ANO6: variants seen among roughly 807,000 people sequenced by gnomAD.
ANO6 encodes the protein anoctamin-6.
ANO6 carries 106 observed loss-of-function variants against 117.5 expected under a neutral mutation model. The observed-to-expected ratio is 0.90, with a 90% CI of 0.77 to 1.06. The LOEUF (loss-of-function observed/expected upper bound fraction) is 1.06. ANO6 is among the 50% of genes least tolerant of loss of function. The probability of loss-of-function intolerance (pLI) is 0.00; values close to 1 mark genes in which losing one functional copy is unlikely to be tolerated. For missense variants in ANO6, 955 were observed against 1,121.1 expected, an observed-to-expected ratio of 0.85 and a Z score of 2.12; for synonymous variants, 367 against 385.1, an observed-to-expected ratio of 0.95 and a Z score of 0.55.
intron 1 of ANO6, among the ~76,000 whole-genome samples, chr12:45,271,144 A>G (rs970127002): frequency 2.0e-5 from 3 of 152,226 alleles, no homozygotes; most frequent in Admixed American, 2.0e-4. Flanking sequence ...TGGCAAGGAT[A>G]TTTTGATGAC....
At chr12:45,439,863 T>C (rs1263980177) in exon 20 of ANO6, 1 of 1,533,336 alleles carries the variant, frequency 6.5e-7, no homozygotes, top group African/African-American at 1.4e-5. Flanking sequence ...CTATTTTCTT[T>C]TCTGTTACTT....
intron 2 of ANO6, among the ~76,000 whole-genome samples, chr12:45,320,452 G>C (rs1313822375): frequency 8.5e-5 from 13 of 152,096 alleles, no homozygotes; most frequent in Admixed American, 7.9e-4. Flanking sequence ...TTAATCCTGA[G>C]TTCTAATTTG....
At chr12:45,227,814 C>T (rs1356558925) in intron 1 of ANO6, among the ~76,000 whole-genome samples, 1 of 152,158 alleles carries the variant, frequency 6.6e-6, no homozygotes, top group Non-Finnish European at 1.5e-5. Flanking sequence ...AGGGTAATGA[C>T]AGTGGCTGTG....
intron 9 of ANO6, among the ~76,000 whole-genome samples, chr12:45,377,404 T>A (rs1942057545): frequency 6.6e-6 from 1 of 152,204 alleles, no homozygotes; most frequent in Admixed American, 6.5e-5. Context: ...TTTGGCCAGA[T>A]ACGTTATTTA....
At chr12:45,288,164 T>TACA (rs1376588837) in intron 1 of ANO6, among the ~76,000 whole-genome samples, 2 of 152,312 alleles carry the variant, frequency 1.3e-5, no homozygotes, top group South Asian at 2.1e-4. Context: ...TACTGCCTGG[T>TACA]ACAGCCTAGC....
intron 1 of ANO6, among the ~76,000 whole-genome samples, chr12:45,239,490 A>G (rs1592855429): frequency 7.1e-6 from 1 of 140,134 alleles, no homozygotes; most frequent in African/African-American, 2.6e-5. Context: ...TCAGAAAACC[A>G]GCTCCTGGAT....
At chr12:45,437,427 G>A (rs1273648289) in intron 19 of ANO6, among the ~76,000 whole-genome samples, 1 of 151,920 alleles carries the variant, frequency 6.6e-6, no homozygotes, top group Non-Finnish European at 1.5e-5. Context: ...AACATTTTAT[G>A]TTTTACATGC....
intron 10 of ANO6, among the ~76,000 whole-genome samples, chr12:45,379,025 A>C (rs1450248671): frequency 1.3e-5 from 2 of 152,200 alleles, no homozygotes; most frequent in Non-Finnish European, 2.9e-5. Flanking sequence ...GCAAACTTTA[A>C]ATGTTTAATT....
At chr12:45,360,157 T>C (rs1439742246) in intron 8 of ANO6, among the ~76,000 whole-genome samples, 1 of 152,218 alleles carries the variant, frequency 6.6e-6, no homozygotes, top group African/African-American at 2.4e-5. Context: ...GGGATAGAAG[T>C]CTCTTATTGG....
At chr12:45,367,113 C>T (rs1365134291) in intron 8 of ANO6, among the ~76,000 whole-genome samples, 1 of 152,148 alleles carries the variant, frequency 6.6e-6, no homozygotes, top group Non-Finnish European at 1.5e-5. Context: ...TCTCGAGTAG[C>T]TGGGATTACA....
chr12:45,264,320 T>G (rs1938145266), intron 1 of ANO6, among the ~76,000 whole-genome samples: 1 of 152,258 alleles, frequency 6.6e-6, no homozygotes, highest in Non-Finnish European at 1.5e-5. Flanking sequence ...ATTATGCTGA[T>G]AAGTTTGCAT....
chr12:45,258,385 C>T (rs767689210), intron 1 of ANO6, among the ~76,000 whole-genome samples: 51 of 152,050 alleles, frequency 3.4e-4, no homozygotes, highest in Admixed American at 1.4e-3. Flanking sequence ...GTGAGTTTGT[C>T]GTCTTCTTGC....
At chr12:45,317,484 G>A (rs1225006070) in intron 2 of ANO6, among the ~76,000 whole-genome samples, 1 of 151,672 alleles carries the variant, frequency 6.6e-6, no homozygotes, top group Non-Finnish European at 1.5e-5. Context: ...GTATTCCATG[G>A]TGTATATGTG....
rs772308577 is a variant in ANO6 at position 45,421,279 on chromosome 12, T to C, written c.2420+6T>C. The C allele has an allele frequency of 1.9e-6, 3 of 1,613,668 alleles. No homozygotes were observed. In the South Asian group the frequency reaches 3.3e-5, roughly 18 times the overall value. On this transcript the variant is annotated splice_donor_region_variant and intron_variant, in intron 18 of 19. Transcript: ENST00000320560. Reference sequence around the variant, plus strand: ...GGTAACCATACCACATGCAGGCAAGTTCTGCTTTACTTGTTTAAAAATGCA... The same window carrying C: ...GGTAACCATACCACATGCAGGCAAGCTCTGCTTTACTTGTTTAAAAATGCA...
chr12:45,315,906 A>G (rs892687727), intron 2 of ANO6, among the ~76,000 whole-genome samples: 1 of 152,024 alleles, frequency 6.6e-6, no homozygotes, highest in African/African-American at 2.4e-5. Context: ...TATAGCTTCA[A>G]TCTGTCCCTT....
intron 9 of ANO6, among the ~76,000 whole-genome samples, chr12:45,371,885 A>C (rs1054004442): frequency 3.3e-5 from 5 of 150,344 alleles, no homozygotes; most frequent in African/African-American, 1.2e-4. Context: ...AGCTGAGAGA[A>C]GAAGGCTTCA....
chr12:45,402,067 C>A, intron 13 of ANO6, 47 bp downstream of exon 13: 2 of 1,518,192 alleles, frequency 1.3e-6, no homozygotes, highest in South Asian at 1.1e-5. Context: ...ATTTTTAGAA[C>A]CTGCCAAAAA....
intron 7 of ANO6, among the ~76,000 whole-genome samples, chr12:45,353,352 A>C (rs1941331519): frequency 6.6e-6 from 1 of 151,992 alleles, no homozygotes. Context: ...TACATATGTA[A>C]ATATTTGAGG....
At chr12:45,313,802 A>G (rs535824128) in intron 2 of ANO6, among the ~76,000 whole-genome samples, 22 of 152,248 alleles carry the variant, frequency 1.4e-4, no homozygotes, top group African/African-American at 5.3e-4. Context: ...GAGCACTTAC[A>G]CGTGCTAATG....
Sources: allele counts gnomAD v4.1 joint callset (sites outside exome capture counted in the v4.1 genomes callset), GRCh38; gene constraint gnomAD v4.1.1; transcripts MANE v1.5; gene names NCBI Gene and HGNC (gene_info 2026-07-23, HGNC 2026-07-21).